Variants in WWP2 observed in about 807,000 individuals in gnomAD.
WWP2 encodes the protein WW domain containing E3 ubiquitin protein ligase 2.
WWP2 carries 57 observed loss-of-function variants against 121.0 expected under a neutral mutation model. That is an observed-to-expected ratio of 0.47 (90% CI 0.38 to 0.59). The LOEUF (loss-of-function observed/expected upper bound fraction) is 0.59. Among genes scored for constraint, WWP2 ranks in the 20% least tolerant of loss-of-function variants. WWP2 has a pLI of 0.00. For synonymous variants in WWP2, 449 were observed against 441.3 expected, an observed-to-expected ratio of 1.02 and a Z score of -0.22; for missense variants, 962 against 1,158.9, an observed-to-expected ratio of 0.83 and a Z score of 2.47.
intron 4 of WWP2, among the ~76,000 whole-genome samples, chr16:69,815,283 G>A (rs112519971): frequency 9.9e-5 from 15 of 152,254 alleles, no homozygotes; most frequent in African/African-American, 2.4e-4. Flanking sequence ...GATTACGGGC[G>A]TGAGCCACCT....
rs937621004 is a variant in WWP2 at position 69,888,108 on chromosome 16, C to G, written c.773C>G (p.Ala258Gly). 6.2e-7 allele frequency: 1 copy of G among 1,614,122 alleles called. No homozygotes were observed. Among genetic ancestry groups the G allele is most frequent in the Non-Finnish European group, 8.5e-7 (1 of 1,180,046 alleles). Residue 258 changes from alanine (A) to glycine (G), a missense_variant, in exon 8 of 24, where the codon GCT becomes GGT. Physicochemically the swap from Ala to Gly is moderately conservative, Grantham distance 60. Around this residue, in one of 3 missense-constraint regions of WWP2, gnomAD observed 211 missense variants for 196.5 expected, o/e 1.07. Transcript: ENST00000359154. ...GTTGTTGGTGTGACGTCCCCACCTGCTGCACCCTTGAGTGTGACCCCGAAT... is the reference window on the plus strand; with the variant it reads ...GTTGTTGGTGTGACGTCCCCACCTGGTGCACCCTTGAGTGTGACCCCGAAT... ...PSVVGVTSPP[A>G]APLSVTPNPN...
chr16:69,934,010 A>G lies in WWP2; in HGVS notation c.1723A>G (p.Met575Val). Residue 575 changes from methionine (M) to valine (V), a missense_variant, in exon 17 of 24, where the codon ATG becomes GTG. By Grantham distance (21) the Met-to-Val change is conservative. Coordinates refer to ENST00000359154, the MANE Select transcript of WWP2 (RefSeq NM_001270454.2). ...FLLSHEVLNP[M>V]YCLFEYAGKN... Reference sequence around the variant, plus strand: ...CCTGTCTCATGAGGTGCTCAACCCTATGTATTGTTTATTTGAATATGCCGG... The same window carrying G: ...CCTGTCTCATGAGGTGCTCAACCCTGTGTATTGTTTATTTGAATATGCCGG... 2.5e-6 allele frequency: 4 copies of G among 1,614,144 alleles called. No individual in the cohort carries two copies. Among genetic ancestry groups the G allele is most frequent in the Non-Finnish European group, 2.5e-6 (3 of 1,180,010 alleles).
chr16:69,903,089 C>G (rs1354165796), intron 8 of WWP2, among the ~76,000 whole-genome samples: 1 of 152,146 alleles, frequency 6.6e-6, no homozygotes, highest in Non-Finnish European at 1.5e-5. Context: ...TCTCGCTAAG[C>G]CAGTTGAGGG....
intron 4 of WWP2, among the ~76,000 whole-genome samples, chr16:69,833,105 T>A (rs1292859102): frequency 6.6e-6 from 1 of 152,212 alleles, no homozygotes; most frequent in African/African-American, 2.4e-5. Flanking sequence ...GCGAGCCCCC[T>A]GCCTTGGCCT....
chr16:69,851,830 A>T (rs2057219732), intron 6 of WWP2, among the ~76,000 whole-genome samples: 1 of 151,986 alleles, frequency 6.6e-6, no homozygotes. Flanking sequence ...AATACAAAAA[A>T]AAATTAGCTG....
At chr16:69,796,382 A>G (rs2056045756) in intron 2 of WWP2, among the ~76,000 whole-genome samples, 1 of 152,160 alleles carries the variant, frequency 6.6e-6, no homozygotes, top group East Asian at 1.9e-4. Flanking sequence ...AGCCTAGCCT[A>G]CCTTAAATGT....
intron 6 of WWP2, among the ~76,000 whole-genome samples, chr16:69,859,534 C>T (rs544703107): frequency 7.3e-5 from 11 of 151,318 alleles, no homozygotes; most frequent in African/African-American, 2.4e-4. Context: ...CCAGCCTGGG[C>T]GACAGAGGGA....
At chr16:69,890,444 C>T (rs527532062) in intron 8 of WWP2, among the ~76,000 whole-genome samples, 1 of 152,102 alleles carries the variant, frequency 6.6e-6, no homozygotes, top group South Asian at 2.1e-4. Context: ...GCTTTGTGTC[C>T]AGCTACTCCC....
intron 8 of WWP2, among the ~76,000 whole-genome samples, chr16:69,892,673 A>G (rs1039952245): frequency 1.6e-4 from 24 of 152,250 alleles, no homozygotes; most frequent in Non-Finnish European, 3.1e-4. Flanking sequence ...AGCTGGGACT[A>G]CAGGTGCCTG....
intron 1 of WWP2, among the ~76,000 whole-genome samples, chr16:69,770,914 C>T (rs2055400617): frequency 6.6e-6 from 1 of 150,770 alleles, no homozygotes; most frequent in Admixed American, 6.6e-5. Flanking sequence ...AGGAGGATCG[C>T]TTGAGCCCAG....
intron 3 of WWP2, 44 bp downstream of exon 3, chr16:69,798,873 A>C: frequency 6.2e-7 from 1 of 1,605,902 alleles, no homozygotes; most frequent in Non-Finnish European, 8.5e-7. Flanking sequence ...AGATGGGGAA[A>C]GAGAGAGGGT....
chr16:69,917,633 C>A, intron 9 of WWP2, 76 bp from the exon 10 acceptor site: 1 of 1,541,190 alleles, frequency 6.5e-7, no homozygotes. Context: ...CTGTGCTAGG[C>A]ATCCTGAGAC....
At chr16:69,816,455 A>G (rs2056492482) in intron 4 of WWP2, among the ~76,000 whole-genome samples, 1 of 148,066 alleles carries the variant, frequency 6.8e-6, no homozygotes, top group African/African-American at 2.4e-5. Context: ...ATATCTATAT[A>G]ATATATATAA....
chr16:69,763,346 T>C (rs1390849681), intron 1 of WWP2, among the ~76,000 whole-genome samples: 1 of 152,206 alleles, frequency 6.6e-6, no homozygotes, highest in Non-Finnish European at 1.5e-5. Context: ...GTGACCTGGA[T>C]CATGATTTTG....
chr16:69,825,832 G>A (rs536251619), intron 4 of WWP2, among the ~76,000 whole-genome samples: 1 of 152,076 alleles, frequency 6.6e-6, no homozygotes, highest in East Asian at 1.9e-4. Context: ...TCCCTATGTT[G>A]CCCAGGCTGG....
chr16:69,827,865 C>A (rs1053033690), intron 4 of WWP2: 1 of 455,362 alleles, frequency 2.2e-6, no homozygotes, highest in African/African-American at 2.0e-5. Context: ...AAAGACTTAA[C>A]CTTCCCAGAT....
chr16:69,849,901 T>C (rs547639421), intron 6 of WWP2, among the ~76,000 whole-genome samples: 1 of 152,358 alleles, frequency 6.6e-6, no homozygotes, highest in Non-Finnish European at 1.5e-5. Context: ...TTATTATACA[T>C]TTATTTATTG....
chr16:69,907,254 G>T (rs1010260322), intron 8 of WWP2, among the ~76,000 whole-genome samples: 6 of 152,182 alleles, frequency 3.9e-5, no homozygotes, highest in African/African-American at 1.4e-4. Flanking sequence ...TGGGTTTTGT[G>T]CATTCTTGTG....
intron 6 of WWP2, among the ~76,000 whole-genome samples, chr16:69,850,566 A>G (rs1466125222): frequency 1.3e-5 from 2 of 151,596 alleles, no homozygotes; most frequent in Non-Finnish European, 2.9e-5. Context: ...TTTGGGGAAG[A>G]CCTCCCACAT....
Sources: allele counts gnomAD v4.1 joint callset (sites outside exome capture counted in the v4.1 genomes callset), GRCh38; gene constraint gnomAD v4.1.1; regional missense constraint gnomAD v4.1.1; transcripts MANE v1.5; gene names NCBI Gene and HGNC (gene_info 2026-07-23, HGNC 2026-07-21).